The following GBE1 variants were observed in gnomAD, a reference collection of about 807,000 sequenced individuals.
GBE1 encodes 1,4-alpha-glucan-branching enzyme.
A neutral mutation model predicts 88.8 loss-of-function variants in GBE1; 70 were observed. That is an observed-to-expected ratio of 0.79 (90% CI 0.65 to 0.96). The LOEUF is 0.96. Among genes scored for constraint, GBE1 ranks in the 40% least tolerant of loss-of-function variants. The probability of loss-of-function intolerance (pLI) is 0.00; values close to 1 mark genes in which losing one functional copy is unlikely to be tolerated. For synonymous variants in GBE1, 284 were observed against 300.1 expected, an observed-to-expected ratio of 0.95 and a Z score of 0.56; for missense variants, 872 against 871.0, an observed-to-expected ratio of 1.00 and a Z score of -0.01.
At position 81,750,559 on chromosome 3, in the gene GBE1, ATATGTATAT is replaced by A. The variant is rs1294095280; in HGVS notation, c.143+10807_143+10815del. Reference sequence around the variant, plus strand: ...TATACGTATATATATATGTATATATATATGTATATATATATACGTATATATATACGTATA... The same window carrying A: ...TATACGTATATATATATGTATATATAATATATACGTATATATATACGTATA... On this transcript the variant is annotated intron_variant, in intron 1 of 15. Coordinates refer to ENST00000429644, the MANE Select transcript of GBE1 (RefSeq NM_000158.4). Among the ~76,000 whole-genome samples the A allele has an allele frequency of 1.6e-3, 138 of 83,892 alleles. 21 individuals carry two copies. The highest frequency in any genetic ancestry group is 3.6e-3 in the Admixed American group (28 of 7,704). The allele number at this position is 83,892 out of a possible 152,430, so 55.0% of individuals were successfully genotyped here.
intron 14 of GBE1, among the ~76,000 whole-genome samples, chr3:81,526,587 G>C (rs888401977): frequency 6.6e-6 from 1 of 152,030 alleles, no homozygotes; most frequent in African/African-American, 2.4e-5. Context: ...CAGACAAACA[G>C]AGAGCCAAAT....
intron 7 of GBE1, among the ~76,000 whole-genome samples, chr3:81,597,234 C>T (rs1291656783): frequency 1.3e-5 from 2 of 151,622 alleles, no homozygotes; most frequent in Non-Finnish European, 3.0e-5. Flanking sequence ...TGATTAGAAT[C>T]TCATAAAAAT....
At chr3:81,693,362 G>A (rs188023403) in intron 2 of GBE1, among the ~76,000 whole-genome samples, 1 of 152,080 alleles carries the variant, frequency 6.6e-6, no homozygotes, top group Non-Finnish European at 1.5e-5. Context: ...GAAAGTATTG[G>A]TAATTACTTC....
intron 7 of GBE1, among the ~76,000 whole-genome samples, chr3:81,623,058 C>T (rs1029755057): frequency 1.3e-5 from 2 of 152,136 alleles, no homozygotes; most frequent in Admixed American, 6.5e-5. Flanking sequence ...TTTCCCTGAT[C>T]CAAACCTTTT....
chr3:81,588,410 C>T (rs1031081353), intron 9 of GBE1, among the ~76,000 whole-genome samples: 27 of 152,136 alleles, frequency 1.8e-4, no homozygotes, highest in African/African-American at 6.0e-4. Flanking sequence ...TCAAGAATGA[C>T]TGGTGATGGA....
chr3:81,612,627 G>A (rs1461844643), intron 7 of GBE1: 16 of 593,250 alleles, frequency 2.7e-5, no homozygotes, highest in Admixed American at 5.8e-5. Flanking sequence ...AGTGGTTGGC[G>A]GAGTTTGTTA....
At chr3:81,550,356 A>G (rs1378861757) in intron 12 of GBE1, among the ~76,000 whole-genome samples, 1 of 151,328 alleles carries the variant, frequency 6.6e-6, no homozygotes. Context: ...TGAATGCAAG[A>G]GACCTAACAG....
intron 6 of GBE1, among the ~76,000 whole-genome samples, chr3:81,643,975 C>A (rs1704728460): frequency 6.6e-6 from 1 of 152,174 alleles, no homozygotes; most frequent in African/African-American, 2.4e-5. Context: ...CTCTCCCACA[C>A]CCTCTTTTTA....
chr3:81,507,263 T>C (rs1308784937), intron 14 of GBE1, among the ~76,000 whole-genome samples: 1 of 152,014 alleles, frequency 6.6e-6, no homozygotes, highest in Non-Finnish European at 1.5e-5. Context: ...GAAAGTAATG[T>C]GGAATTAAAC....
At chr3:81,686,123 A>G (rs1003861915) in intron 2 of GBE1, among the ~76,000 whole-genome samples, 1 of 152,170 alleles carries the variant, frequency 6.6e-6, no homozygotes, top group Non-Finnish European at 1.5e-5. Flanking sequence ...AAAACGAAGG[A>G]GTGCATTTGA....
chr3:81,691,386 C>A (rs1284824250), intron 2 of GBE1, among the ~76,000 whole-genome samples: 2 of 152,226 alleles, frequency 1.3e-5, no homozygotes, highest in South Asian at 2.1e-4. Flanking sequence ...TAGCTTTTAA[C>A]AATGTATTTT....
At chr3:81,737,311 T>A (rs1471207808) in intron 1 of GBE1, among the ~76,000 whole-genome samples, 2 of 110,946 alleles carry the variant, frequency 1.8e-5, no homozygotes, top group African/African-American at 4.1e-5. Context: ...AAATATATAT[T>A]TATATATATT....
At chr3:81,519,215 A>G (rs912415218) in intron 14 of GBE1, among the ~76,000 whole-genome samples, 2 of 151,638 alleles carry the variant, frequency 1.3e-5, no homozygotes, top group African/African-American at 2.4e-5. Context: ...AACTCTGTGT[A>G]CAGGTTGCAA....
At chr3:81,755,390 C>T (rs1706588406) in intron 1 of GBE1, among the ~76,000 whole-genome samples, 1 of 151,492 alleles carries the variant, frequency 6.6e-6, no homozygotes, top group South Asian at 2.1e-4. Flanking sequence ...ACCATAGCCA[C>T]TTGGAAAAAA....
At chr3:81,592,826 G>A in intron 8 of GBE1, among the ~76,000 whole-genome samples, 1 of 152,000 alleles carries the variant, frequency 6.6e-6, no homozygotes, top group Non-Finnish European at 1.5e-5. Context: ...CATACCGTAA[G>A]TCAGCTTCCC....
chr3:81,581,471 G>A (rs1703730327), intron 10 of GBE1, among the ~76,000 whole-genome samples, 196 bp from the exon 11 acceptor site: 1 of 151,830 alleles, frequency 6.6e-6, no homozygotes, highest in Non-Finnish European at 1.5e-5. Flanking sequence ...AAATGACAGT[G>A]GTGTAGAGTG....
intron 7 of GBE1, among the ~76,000 whole-genome samples, chr3:81,616,986 G>A (rs1368658151): frequency 2.0e-5 from 3 of 152,008 alleles, no homozygotes; most frequent in Middle Eastern, 3.4e-3. Context: ...GAGAGAAGGA[G>A]GGAGAGAATA....
chr3:81,554,004 A>G (rs1703314051), intron 12 of GBE1, among the ~76,000 whole-genome samples: 1 of 152,194 alleles, frequency 6.6e-6, no homozygotes, highest in Non-Finnish European at 1.5e-5. Context: ...TAAATCGAGA[A>G]TGAGTGTTAT....
intron 15 of GBE1, among the ~76,000 whole-genome samples, chr3:81,492,997 T>C (rs1460509515): frequency 6.6e-6 from 1 of 151,998 alleles, no homozygotes; most frequent in East Asian, 1.9e-4. Flanking sequence ...TGGCCTCCCA[T>C]ATTGCTGAGA....
Sources: allele counts gnomAD v4.1 joint callset (sites outside exome capture counted in the v4.1 genomes callset), GRCh38; gene constraint gnomAD v4.1.1; transcripts MANE v1.5; gene names NCBI Gene and HGNC (gene_info 2026-07-23, HGNC 2026-07-21).